The following GSE1 variants were observed in gnomAD, a reference collection of about 807,000 sequenced individuals.
GSE1 encodes the protein genetic suppressor element 1.
In GSE1, 32 loss-of-function variants were observed where a neutral mutation model predicts 112.6. That is an observed-to-expected ratio of 0.28 (90% CI 0.21 to 0.38). GSE1 has a LOEUF of 0.38. Among genes scored for constraint, GSE1 ranks in the 10% least tolerant of loss-of-function variants. The pLI, the probability that GSE1 is intolerant of heterozygous loss-of-function variation, is 1.00. For missense variants in GSE1, 2,348 were observed against 1,699.2 expected (o/e 1.38, Z -6.71); for synonymous variants, 1,115 against 735.6 (o/e 1.52, Z -8.35).
intron 2 of GSE1, among the ~76,000 whole-genome samples, chr16:85,444,701 G>A (rs1191479346): frequency 4.6e-5 from 7 of 151,676 alleles, no homozygotes; most frequent in African/African-American, 9.7e-5. Flanking sequence ...CGCTATAGCC[G>A]GGCTCCGTGT....
intron 2 of GSE1, among the ~76,000 whole-genome samples, chr16:85,450,496 C>G (rs1240365562): frequency 2.0e-5 from 3 of 151,024 alleles, no homozygotes; most frequent in African/African-American, 7.3e-5. Flanking sequence ...GTCACTCAGG[C>G]TGGAGTGCAG....
chr16:85,305,287 A>G (rs1209754436), intron 1 of GSE1, among the ~76,000 whole-genome samples: 1 of 151,460 alleles, frequency 6.6e-6, no homozygotes, highest in Non-Finnish European at 1.5e-5. Context: ...CAGGATGATG[A>G]TGATGATTAT....
chr16:85,594,226 G>T (rs1191027810), intron 1 of GSE1: 21 of 109,892 alleles, frequency 1.9e-4, no homozygotes, highest in Non-Finnish European at 3.9e-4. Flanking sequence ...CCCGATCCCT[G>T]GGGGGTTGGG....
At chr16:85,461,772 C>G (rs1019889876) in intron 2 of GSE1, among the ~76,000 whole-genome samples, 2 of 152,168 alleles carry the variant, frequency 1.3e-5, no homozygotes, top group Non-Finnish European at 2.9e-5. Context: ...GCCAGCCAGC[C>G]TCACTAGATC....
chr16:85,434,222 T>TA lies in GSE1; in HGVS notation c.2464+76581dup, dbSNP rs774808727. The stretch of plus-strand genomic sequence containing the variant: ...CTGCAGCCTCATTTCTGTGACATAC[T>TA]AAGGGTCCCAAGGAACGCCTTACAG... On this transcript the variant is annotated intron_variant, in intron 2 of 2. Coordinates refer to the GSE1 transcript ENST00000637419. 5.6e-4 allele frequency among the ~76,000 whole-genome samples: 85 copies of TA among 152,036 alleles called. 1 individual carries two copies. The highest frequency in any genetic ancestry group is 9.6e-4 in the Non-Finnish European group (65 of 67,982).
At chr16:85,355,659 A>G (rs374103502) in intron 1 of GSE1, among the ~76,000 whole-genome samples, 1 of 152,244 alleles carries the variant, frequency 6.6e-6, no homozygotes, top group African/African-American at 2.4e-5. Context: ...GAATGTACTC[A>G]GTGCACACTT....
intron 1 of GSE1, among the ~76,000 whole-genome samples, chr16:85,244,455 G>GC (rs1377476572): frequency 1.3e-5 from 2 of 152,160 alleles, no homozygotes; most frequent in African/African-American, 4.8e-5. Context: ...ACCTCCAGAT[G>GC]CATAAGAAAA....
chr16:85,337,376 G>C (rs1481175426), intron 1 of GSE1, among the ~76,000 whole-genome samples: 2 of 150,804 alleles, frequency 1.3e-5, no homozygotes, highest in South Asian at 2.1e-4. Flanking sequence ...CGCGATCTCG[G>C]CTCACTGCAA....
chr16:85,453,325 A>G (rs930293797), intron 2 of GSE1, among the ~76,000 whole-genome samples: 1 of 152,050 alleles, frequency 6.6e-6, no homozygotes, highest in Non-Finnish European at 1.5e-5. Context: ...GGCTGGGCAG[A>G]TTGCTCGGTG....
chr16:85,612,309 C>T (rs1253557287), upstream of GSE1, among the ~76,000 whole-genome samples: 1 of 152,000 alleles, frequency 6.6e-6, no homozygotes, highest in Non-Finnish European at 1.5e-5. Context: ...TTCAGTCCCT[C>T]TCCGCGCCGC....
At chr16:85,264,075 G>T (rs568139231) in intron 1 of GSE1, among the ~76,000 whole-genome samples, 1 of 152,094 alleles carries the variant, frequency 6.6e-6, no homozygotes, top group Non-Finnish European at 1.5e-5. Flanking sequence ...TACAGAAGGC[G>T]GGGAATGGTA....
chr16:85,223,348 C>G (rs755218398), intron 1 of GSE1, among the ~76,000 whole-genome samples: 1 of 152,054 alleles, frequency 6.6e-6, no homozygotes, highest in Non-Finnish European at 1.5e-5. Flanking sequence ...CATGGTGAAA[C>G]CCCATCTCCA....
intron 1 of GSE1, among the ~76,000 whole-genome samples, chr16:85,599,363 C>T (rs950314410): frequency 8.5e-5 from 13 of 152,246 alleles, no homozygotes; most frequent in African/African-American, 3.1e-4. Flanking sequence ...GAGCGGCAGA[C>T]ACCCCCTTAG....
intron 1 of GSE1, among the ~76,000 whole-genome samples, chr16:85,178,776 C>G (rs1206484171): frequency 6.7e-6 from 1 of 150,290 alleles, no homozygotes; most frequent in Admixed American, 6.6e-5. Context: ...AGCAGAGTGG[C>G]CGGAGAGAGG....
intron 1 of GSE1, among the ~76,000 whole-genome samples, chr16:85,343,228 C>T (rs759636435): frequency 6.6e-6 from 1 of 152,198 alleles, no homozygotes; most frequent in Non-Finnish European, 1.5e-5. Flanking sequence ...CAGAGGACCG[C>T]GCTGAACGGG....
chr16:85,619,374 A>G (rs565005663), intron 1 of GSE1, among the ~76,000 whole-genome samples: 1 of 151,536 alleles, frequency 6.6e-6, no homozygotes, highest in African/African-American at 2.4e-5. Flanking sequence ...GTCCCGAAGG[A>G]AAATCTATAT....
At chr16:85,540,896 G>A (rs938358737) in intron 2 of GSE1, among the ~76,000 whole-genome samples, 1 of 152,194 alleles carries the variant, frequency 6.6e-6, no homozygotes, top group African/African-American at 2.4e-5. Flanking sequence ...AATAGAGTGA[G>A]ACCCTGTCTC....
chr16:85,632,264 CAG>C (rs748503096), intron 1 of GSE1, among the ~76,000 whole-genome samples: 21 of 152,206 alleles, frequency 1.4e-4, no homozygotes, highest in African/African-American at 3.1e-4. Context: ...ATGGGGCTCT[CAG>C]GGGTCCTTTG....
chr16:85,487,845 C>G (rs2050891105), intron 2 of GSE1, among the ~76,000 whole-genome samples: 2 of 152,224 alleles, frequency 1.3e-5, no homozygotes, highest in Non-Finnish European at 2.9e-5. Context: ...CCCTTTCCGC[C>G]TCAGTTGGTG....
Sources: gnomAD v4.1 joint callset for allele counts (sites outside exome capture counted in the v4.1 genomes callset) on GRCh38, gnomAD v4.1.1 for gene constraint, MANE v1.5 for transcripts, NCBI Gene and HGNC (gene_info 2026-07-23, HGNC 2026-07-21) for gene names.